Variants in FAT3 observed in about 807,000 individuals in gnomAD.
The protein encoded by FAT3 is FAT atypical cadherin 3.
Under a neutral mutation model 310.2 loss-of-function variants are expected in FAT3, and 95 were observed. The ratio of observed to expected loss-of-function variants is 0.31; its 90% CI spans 0.26 to 0.36. FAT3 has a LOEUF of 0.36. Among genes scored for constraint, FAT3 ranks in the 10% least tolerant of loss-of-function variants. The pLI is 1.00. For synonymous variants in FAT3, 2,314 were observed against 2,192.9 expected (o/e 1.06, Z -1.54); for missense variants, 5,408 against 5,715.6 (o/e 0.95, Z 1.74).
Position 92,792,519 on chromosome 11 carries a change from G to C in FAT3, c.4612-248G>C, listed in dbSNP as rs114734256. On this transcript the variant is annotated intron_variant, in intron 8 of 27. Transcript: ENST00000525166. ...TCAAGGCATCAGTTCTACACACACA[G>C]ACTGAGCACAGACCACAGGCCAGAC... 4.6e-3 allele frequency among the ~76,000 whole-genome samples: 700 copies of C among 152,272 alleles called. 5 individuals are homozygous for C. Among genetic ancestry groups the C allele is most frequent in the African/African-American group, 0.016 (655 of 41,574 alleles).
chr11:92,479,632 A>G (rs1450226113), intron 2 of FAT3, among the ~76,000 whole-genome samples: 6 of 152,126 alleles, frequency 3.9e-5, no homozygotes, highest in African/African-American at 1.4e-4. Context: ...CAAAGGGACT[A>G]AGTAAAATTT....
chr11:92,315,498 T>TAG (rs1947423154), intron 1 of FAT3, among the ~76,000 whole-genome samples: 2 of 92,106 alleles, frequency 2.2e-5, no homozygotes, highest in African/African-American at 8.0e-5. Flanking sequence ...TATATATATA[T>TAG]ATATATATAT....
intron 2 of FAT3, among the ~76,000 whole-genome samples, chr11:92,437,352 T>C (rs1188952446): frequency 6.6e-6 from 1 of 152,198 alleles, no homozygotes; most frequent in Non-Finnish European, 1.5e-5. Context: ...AATTACACAG[T>C]ATTAATTGTC....
chr11:92,428,090 G>T (rs1218519989), intron 2 of FAT3, among the ~76,000 whole-genome samples: 1 of 151,510 alleles, frequency 6.6e-6, no homozygotes, highest in Non-Finnish European at 1.5e-5. Flanking sequence ...ACTTCTTCCT[G>T]GTTTAGTCTT....
At chr11:92,499,292 T>A (rs567555147) in intron 2 of FAT3, among the ~76,000 whole-genome samples, 1 of 152,172 alleles carries the variant, frequency 6.6e-6, no homozygotes, top group South Asian at 2.1e-4. Flanking sequence ...ATTGGGAAAG[T>A]CTCTATATGG....
intron 1 of FAT3, among the ~76,000 whole-genome samples, chr11:92,277,799 T>G (rs1034874076): frequency 3.3e-5 from 5 of 151,850 alleles, no homozygotes; most frequent in African/African-American, 1.2e-4. Context: ...AAACTCAGAA[T>G]CACACCATAT....
chr11:92,463,168 G>T (rs661842), intron 2 of FAT3, among the ~76,000 whole-genome samples: 74 of 152,320 alleles, frequency 4.9e-4, no homozygotes, highest in Non-Finnish European at 9.4e-4. Flanking sequence ...TTTATAACCA[G>T]ACTCAAAAGA....
intron 3 of FAT3, among the ~76,000 whole-genome samples, chr11:92,551,416 G>GT (rs10661690): frequency 3.3e-4 from 21 of 63,466 alleles, no homozygotes; most frequent in Admixed American, 3.1e-3. Flanking sequence ...TTTTTGTTTT[G>GT]TGTGTGTGTG....
In FAT3 at chr11:92,314,954, C is replaced by T. The variant is rs78307805; in HGVS notation, c.-17-37142C>T. 7.2e-3 allele frequency among the ~76,000 whole-genome samples: 1,094 copies of T among 152,036 alleles called. 9 individuals carry two copies. Among genetic ancestry groups the T allele is most frequent in the Middle Eastern group, 0.014 (4 of 294 alleles). On this transcript the variant is annotated intron_variant, in intron 1 of 27. Transcript: ENST00000525166. ...GCTGCTTGGGTGTGTAGCATGGTGC[C>T]TTGGGTATGTGGCATGGTACCTGGG...
At chr11:92,430,600 G>C (rs1419697699) in intron 2 of FAT3, among the ~76,000 whole-genome samples, 1 of 151,884 alleles carries the variant, frequency 6.6e-6, no homozygotes, top group Non-Finnish European at 1.5e-5. Flanking sequence ...ATGTTGGTGT[G>C]CTGCACCCAT....
At chr11:92,342,781 T>G (rs1339958092) in intron 1 of FAT3, among the ~76,000 whole-genome samples, 1 of 152,170 alleles carries the variant, frequency 6.6e-6, no homozygotes, top group Non-Finnish European at 1.5e-5. Context: ...ACCCTTTGGT[T>G]TCTGTCAGCG....
intron 1 of FAT3, among the ~76,000 whole-genome samples, chr11:92,227,364 T>C (rs540859657): frequency 9.2e-5 from 14 of 152,260 alleles, no homozygotes; most frequent in African/African-American, 3.4e-4. Context: ...GATTCTCTGA[T>C]TGTGCCCAGG....
At chr11:92,416,928 G>A (rs1477322350) in intron 2 of FAT3, among the ~76,000 whole-genome samples, 1 of 152,164 alleles carries the variant, frequency 6.6e-6, no homozygotes, top group Non-Finnish European at 1.5e-5. Context: ...GACAGATGTG[G>A]GAAGTTAGGC....
intron 4 of FAT3, among the ~76,000 whole-genome samples, chr11:92,699,003 G>A (rs555106759): frequency 6.6e-6 from 1 of 152,270 alleles, no homozygotes; most frequent in East Asian, 1.9e-4. Flanking sequence ...GTCACAGGAC[G>A]GATCTATAGC....
chr11:92,721,593 C>G (rs1324702361), intron 4 of FAT3, among the ~76,000 whole-genome samples: 8 of 152,158 alleles, frequency 5.3e-5, no homozygotes, highest in Non-Finnish European at 1.2e-4. Context: ...AGGAATTTTT[C>G]TAAAAGTCAA....
chr11:92,346,469 C>G (rs959945284), intron 1 of FAT3, among the ~76,000 whole-genome samples: 1 of 152,156 alleles, frequency 6.6e-6, no homozygotes, highest in Non-Finnish European at 1.5e-5. Context: ...ACTCTGACCC[C>G]TGGCACAAGT....
At chr11:92,741,202 C>T (rs533150360) in intron 4 of FAT3, among the ~76,000 whole-genome samples, 20 of 152,214 alleles carry the variant, frequency 1.3e-4, no homozygotes, top group East Asian at 5.8e-4. Flanking sequence ...CCACCACATC[C>T]GGTTAATTTT....
rs894287470 is a variant in FAT3 at position 92,790,010 on chromosome 11, C to T, written c.4403C>T (p.Thr1468Ile). 2 of 1,613,814 alleles carry T rather than the reference C, an allele frequency of 1.2e-6. No individual in the cohort carries two copies. Among genetic ancestry groups the T allele is most frequent in the Middle Eastern group, 1.7e-4 (1 of 6,058 alleles). Residue 1468 changes from threonine (T) to isoleucine (I), a missense_variant, in exon 8 of 28, where the codon ACA becomes ATA. Physicochemically the swap from Thr to Ile is moderately conservative, Grantham distance 89 (BLOSUM62 -1). Coordinates refer to ENST00000525166, the MANE Select transcript of FAT3 (RefSeq NM_001367949.2). ...TTCTCTCAGCCGAATTACGATGTGACAATTTCCGAGGATGTGCTTCCAGAC... is the reference window on the plus strand; with the variant it reads ...TTCTCTCAGCCGAATTACGATGTGATAATTTCCGAGGATGTGCTTCCAGAC... ...PEFSQPNYDV[T>I]ISEDVLPDTE...
At chr11:92,641,193 C>T (rs1941950397) in intron 3 of FAT3, among the ~76,000 whole-genome samples, 1 of 152,022 alleles carries the variant, frequency 6.6e-6, no homozygotes, top group East Asian at 1.9e-4. Flanking sequence ...AGACCCTGTC[C>T]CCTACCACAC....
Sources: gnomAD v4.1 joint callset for allele counts (sites outside exome capture counted in the v4.1 genomes callset) on GRCh38, gnomAD v4.1.1 for gene constraint, MANE v1.5 for transcripts, NCBI Gene and HGNC (gene_info 2026-07-23, HGNC 2026-07-21) for gene names.